The following USP3 variants were observed in gnomAD, a reference collection of about 807,000 sequenced individuals.
USP3 encodes the protein ubiquitin specific peptidase 3.
USP3 carries 20 observed loss-of-function variants against 72.3 expected under a neutral mutation model. That is an observed-to-expected ratio of 0.28 (90% CI 0.19 to 0.40). USP3 has a LOEUF of 0.40. Ranked by LOEUF, USP3 falls within the 10% of genes least tolerant of loss-of-function variation. The pLI, the probability that USP3 is intolerant of heterozygous loss-of-function variation, is 1.00. For synonymous variants in USP3, 222 were observed against 225.3 expected (o/e 0.99, Z 0.13); for missense variants, 479 against 633.9 (o/e 0.76, Z 2.62).
intron 3 of USP3, among the ~76,000 whole-genome samples, chr15:63,548,509 GTAGAGACAGGGT>G (rs2066388558): frequency 1.3e-5 from 2 of 151,832 alleles, no homozygotes; most frequent in Non-Finnish European, 2.9e-5. Flanking sequence ...TATTTTTTTA[GTAGAGACAGGGT>G]TTCACCATGT....
At chr15:63,518,977 G>T (rs2065885145) in intron 1 of USP3, among the ~76,000 whole-genome samples, 1 of 152,126 alleles carries the variant, frequency 6.6e-6, no homozygotes, top group Non-Finnish European at 1.5e-5. Flanking sequence ...GTGTTAACCA[G>T]GATGGTCTGG....
At chr15:63,511,367 C>T (rs891331560) in intron 1 of USP3, among the ~76,000 whole-genome samples, 1 of 148,946 alleles carries the variant, frequency 6.7e-6, no homozygotes, top group Non-Finnish European at 1.5e-5. Flanking sequence ...TAAATAATTC[C>T]TTTGAAGATT....
At chr15:63,506,752 G>A (rs1239046347) in intron 1 of USP3, among the ~76,000 whole-genome samples, 1 of 152,192 alleles carries the variant, frequency 6.6e-6, no homozygotes, top group Non-Finnish European at 1.5e-5. Context: ...TTCTGTTCAA[G>A]GGGTAGGATG....
chr15:63,517,854 A>G (rs775118489), intron 1 of USP3, among the ~76,000 whole-genome samples: 3 of 152,148 alleles, frequency 2.0e-5, no homozygotes, highest in South Asian at 2.1e-4. Context: ...CTTCCTCTGC[A>G]CTACTAAGAT....
Position 63,588,095 on chromosome 15 carries a change from C to A in USP3, c.1097-210C>A. 2 of 405,664 alleles carry A rather than the reference C, an allele frequency of 4.9e-6. No individual in the cohort carries two copies. Among genetic ancestry groups the A allele is most frequent in the East Asian group, 7.9e-5 (2 of 25,214 alleles). The allele number at this position is 405,664 out of a possible 1,614,324, so 25.1% of individuals were successfully genotyped here. ...TCATCACCAGATGTCAGGCATGATG[C>A]CAGGTGCTCTACACATTATTTCTCT... On this transcript the variant is annotated intron_variant, in intron 11 of 14. Transcript: ENST00000380324. This position sits in a 1 kb window ranked among gnomAD's most constrained non-coding sequence, Gnocchi z 4.6.
At chr15:63,566,046 C>T (rs577328201) in intron 8 of USP3, among the ~76,000 whole-genome samples, 6 of 152,216 alleles carry the variant, frequency 3.9e-5, no homozygotes, top group Admixed American at 6.5e-5. Flanking sequence ...TCTAGGATCC[C>T]GGTTAAAGCT....
chr15:63,589,870 A>AAAATATTTATATTTT (rs2067154141), intron 14 of USP3, among the ~76,000 whole-genome samples: 1 of 148,364 alleles, frequency 6.7e-6, no homozygotes, highest in Non-Finnish European at 1.5e-5. Context: ...AATAAAAGAT[A>AAAATATTTATATTTT]AGCTCCTCCA....
At chr15:63,558,487 CTT>C (rs1376012602) in intron 6 of USP3, among the ~76,000 whole-genome samples, 8 of 152,058 alleles carry the variant, frequency 5.3e-5, no homozygotes, top group Non-Finnish European at 1.0e-4. Context: ...GGTCAGCAAA[CTT>C]TTTCTGTGAA....
intron 3 of USP3, among the ~76,000 whole-genome samples, chr15:63,539,808 A>G (rs2066216639): frequency 6.6e-6 from 1 of 152,194 alleles, no homozygotes; most frequent in African/African-American, 2.4e-5. Context: ...TGGGTTTTAG[A>G]ATAAAATGCT....
At position 63,553,410 on chromosome 15, in the gene USP3, T is replaced by G. The variant is rs746901771; in HGVS notation, c.285-305T>G. 6.3e-5 allele frequency: 12 copies of G among 190,298 alleles called. No individual in the cohort carries two copies. The highest frequency in any genetic ancestry group is 1.3e-4 in the Non-Finnish European group (12 of 93,674). 11.8% of individuals were successfully genotyped at this position (190,298 alleles called of 1,614,324 possible). ...TCGGTGCTTTTTATTTCATTTTCCA[T>G]GTATTAGGCACCACTAAAAAGAATG... is the stretch of plus-strand genomic sequence containing the variant. On this transcript the variant is annotated intron_variant, in intron 3 of 14. Transcript: ENST00000380324. This position sits in a 1 kb window ranked among gnomAD's most constrained non-coding sequence, Gnocchi z 4.2.
intron 1 of USP3, among the ~76,000 whole-genome samples, chr15:63,506,233 A>G (rs1260153568): frequency 2.6e-5 from 4 of 152,190 alleles, no homozygotes; most frequent in Non-Finnish European, 2.9e-5. Context: ...ATCTGTCGGG[A>G]TGTTGAGTAT....
At chr15:63,520,374 C>T (rs1291839435) in intron 1 of USP3, among the ~76,000 whole-genome samples, 1 of 151,980 alleles carries the variant, frequency 6.6e-6, no homozygotes, top group Non-Finnish European at 1.5e-5. Flanking sequence ...CTAACCCATA[C>T]CATTGTAAAG....
intron 7 of USP3, among the ~76,000 whole-genome samples, chr15:63,560,291 C>G (rs1053838561): frequency 1.3e-5 from 2 of 151,822 alleles, no homozygotes; most frequent in Non-Finnish European, 2.9e-5. Context: ...TGGCGGGTAC[C>G]TGTAATCCCA....
rs60776150 is a variant in USP3, at chr15:63,580,660, A to ATATATATATATATATAT, written c.1096+6257_1096+6258insTATATATATATATATAT. Among the ~76,000 whole-genome samples the ATATATATATATATATAT allele has an allele frequency of 7.9e-3, 886 of 112,816 alleles. 70 individuals carry two copies. The highest frequency in any genetic ancestry group is 0.024 in the African/African-American group (629 of 26,124). 74.0% of individuals were successfully genotyped at this position (112,816 alleles called of 152,430 possible). A position where few individuals can be genotyped will look rare whatever the true frequency, so the allele number is the denominator to read the frequency against. The stretch of plus-strand genomic sequence containing the variant: ...GTGGTGCATATATATATGAATATAT[A>ATATATATATATATATAT]ATATATATATGAATATATAATATAT... On this transcript the variant is annotated intron_variant, in intron 11 of 14. Coordinates refer to ENST00000380324, the MANE Select transcript of USP3 (RefSeq NM_006537.4).
At chr15:63,556,533 C>T in intron 4 of USP3, 134 bp from the exon 5 acceptor site, 1 of 559,674 alleles carries the variant, frequency 1.8e-6, no homozygotes, top group Non-Finnish European at 3.2e-6. Flanking sequence ...CGTGTGGGCC[C>T]CAGTAGGCCT....
intron 8 of USP3, among the ~76,000 whole-genome samples, chr15:63,565,739 T>C (rs1207130269): frequency 1.3e-5 from 2 of 152,206 alleles, no homozygotes; most frequent in African/African-American, 4.8e-5. Context: ...CCTCAGACCA[T>C]TTTACAGTTG....
chr15:63,563,028 AT>A lies in USP3; in HGVS notation c.761+25del. Reference sequence around the variant, plus strand: ...CTTTAGGTAAGTATTATATGAAGATATTTTTAAACATTAATATTAGTGTTTA... The same window carrying A: ...CTTTAGGTAAGTATTATATGAAGATATTTTAAACATTAATATTAGTGTTTA... On this transcript the variant is annotated intron_variant, in intron 8 of 14. Coordinates refer to ENST00000380324, the MANE Select transcript of USP3 (RefSeq NM_006537.4). 1 of 1,512,664 alleles carries A rather than the reference AT, an allele frequency of 6.6e-7. No individual in the cohort carries two copies. Among genetic ancestry groups the A allele is most frequent in the Non-Finnish European group, 9.1e-7 (1 of 1,101,342 alleles). The allele number at this position is 1,512,664 out of a possible 1,614,324, so 93.7% of individuals were successfully genotyped here. A position where few individuals can be genotyped will look rare whatever the true frequency, so the allele number is the denominator to read the frequency against.
chr15:63,523,064 C>T (rs538930184), intron 1 of USP3, among the ~76,000 whole-genome samples: 25 of 152,102 alleles, frequency 1.6e-4, no homozygotes, highest in Non-Finnish European at 3.4e-4. Flanking sequence ...ACATTAGATA[C>T]GTAAAATTTA....
chr15:63,532,118 C>T (rs1220513938), intron 1 of USP3, among the ~76,000 whole-genome samples: 2 of 152,172 alleles, frequency 1.3e-5, no homozygotes, highest in African/African-American at 4.8e-5. Context: ...ATTATACCAT[C>T]AGCAAGAATT....
Sources: allele counts gnomAD v4.1 joint callset (sites outside exome capture counted in the v4.1 genomes callset), GRCh38; gene constraint gnomAD v4.1.1; non-coding constraint Gnocchi (gnomAD v3.1); transcripts MANE v1.5; gene names NCBI Gene and HGNC (gene_info 2026-07-23, HGNC 2026-07-21).